The following PDE1C variants were observed in gnomAD, a reference collection of about 807,000 sequenced individuals.
PDE1C encodes dual specificity calcium/calmodulin-dependent 3',5'-cyclic nucleotide phosphodiesterase 1C.
A neutral mutation model predicts 93.1 loss-of-function variants in PDE1C; 62 were observed. The ratio of observed to expected loss-of-function variants is 0.67; its 90% CI spans 0.54 to 0.82. The LOEUF is 0.82. Ranked by LOEUF, PDE1C falls within the 40% of genes least tolerant of loss-of-function variation. The pLI is 0.00. For synonymous variants in PDE1C, 325 were observed against 310.1 expected (o/e 1.05, Z -0.50); for missense variants, 742 against 884.6 (o/e 0.84, Z 2.04).
At chr7:32,372,802 T>G (rs1174966456) in intron 1 of PDE1C, among the ~76,000 whole-genome samples, 2 of 152,158 alleles carry the variant, frequency 1.3e-5, no homozygotes, top group African/African-American at 4.8e-5. Flanking sequence ...GAGCAAGTAA[T>G]CTGAATAGAC....
the PDE1C span, chr7:31,656,147 A>G: frequency 7.4e-5 from 31 of 420,156 alleles, no homozygotes; most frequent in East Asian, 5.0e-3. Flanking sequence ...TTGTTAAAAC[A>G]CTGAAAACCT....
the PDE1C span, among the ~76,000 whole-genome samples, chr7:31,713,899 A>G: frequency 6.6e-6 from 1 of 152,134 alleles, no homozygotes; most frequent in African/African-American, 2.4e-5. Flanking sequence ...GGTCTTTCCC[A>G]CAAAACCATT....
chr7:32,325,567 G>A (rs746307628), intron 1 of PDE1C, among the ~76,000 whole-genome samples: 11 of 152,304 alleles, frequency 7.2e-5, no homozygotes, highest in African/African-American at 2.4e-4. Context: ...AACAAATCAT[G>A]TAAGATCCAA....
At chr7:32,169,536 T>C (rs1265378593) in intron 3 of PDE1C, among the ~76,000 whole-genome samples, 2 of 152,172 alleles carry the variant, frequency 1.3e-5, no homozygotes, top group African/African-American at 2.4e-5. Context: ...ATCCTCTACC[T>C]CAGCATTTAA....
the PDE1C span, among the ~76,000 whole-genome samples, chr7:31,685,809 C>G: frequency 1.2e-4 from 18 of 152,324 alleles, no homozygotes; most frequent in Admixed American, 7.8e-4. Context: ...GCCTTCCCTT[C>G]CTAGACAAGA....
At chr7:32,041,460 A>G (rs1384948509) in intron 2 of PDE1C, among the ~76,000 whole-genome samples, 1 of 152,208 alleles carries the variant, frequency 6.6e-6, no homozygotes, top group East Asian at 1.9e-4. Flanking sequence ...ATTTATGAGA[A>G]TAAACAAAGC....
At chr7:31,924,580 C>T (rs199850486) in intron 2 of PDE1C, among the ~76,000 whole-genome samples, 1 of 95,138 alleles carries the variant, frequency 1.1e-5, no homozygotes. Flanking sequence ...ACAGGCACCT[C>T]GAAAGAGCCT....
the PDE1C span, among the ~76,000 whole-genome samples, chr7:31,647,255 T>G: frequency 6.6e-6 from 1 of 152,162 alleles, no homozygotes; most frequent in African/African-American, 2.4e-5. Flanking sequence ...AAAATTGGCT[T>G]TAAATTAGAT....
At chr7:31,795,779 A>T (rs1435187795) in intron 16 of PDE1C, among the ~76,000 whole-genome samples, 3 of 151,672 alleles carry the variant, frequency 2.0e-5, no homozygotes. Context: ...ATAATATATA[A>T]TATAATCCAC....
chr7:31,828,431 T>G (rs1471333193), intron 11 of PDE1C, 58 bp from the exon 12 acceptor site: 2 of 1,366,894 alleles, frequency 1.5e-6, no homozygotes, highest in Non-Finnish European at 2.1e-6. Context: ...CACCCAGATT[T>G]CATTTAGCAA....
At chr7:31,964,171 G>A (rs371753314) in intron 2 of PDE1C, among the ~76,000 whole-genome samples, 26 of 152,358 alleles carry the variant, frequency 1.7e-4, no homozygotes, top group South Asian at 4.1e-4. Flanking sequence ...CACCTCACCC[G>A]GGAAGTGCAA....
chr7:32,198,147 G>A (rs769884518), intron 2 of PDE1C, among the ~76,000 whole-genome samples: 9 of 152,134 alleles, frequency 5.9e-5, no homozygotes, highest in African/African-American at 1.7e-4. Flanking sequence ...CAGGAAGGAC[G>A]TATATGATAA....
chr7:31,766,852 TAC>T (rs1583985413), intron 17 of PDE1C, among the ~76,000 whole-genome samples: 1 of 152,230 alleles, frequency 6.6e-6, no homozygotes. Flanking sequence ...TATAAAATAC[TAC>T]ACAAATGTTA....
intron 1 of PDE1C, among the ~76,000 whole-genome samples, chr7:32,324,816 G>T (rs575726790): frequency 4.3e-4 from 65 of 152,140 alleles, no homozygotes; most frequent in Non-Finnish European, 8.7e-4. Context: ...GGGTGCAGTG[G>T]TGCATGCCTG....
chr7:31,895,712 A>G (rs1799217564), intron 2 of PDE1C, among the ~76,000 whole-genome samples: 1 of 151,942 alleles, frequency 6.6e-6, no homozygotes, highest in Non-Finnish European at 1.5e-5. Context: ...CGCAAGAGGT[A>G]ATTGACTCAT....
chr7:31,985,782 G>A (rs1393335268), intron 2 of PDE1C, among the ~76,000 whole-genome samples: 1 of 152,122 alleles, frequency 6.6e-6, no homozygotes, highest in Admixed American at 6.5e-5. Context: ...AGTATTCCAT[G>A]GTGTATGTGT....
chr7:32,298,065 C>CTCTCTCTCTCTCTCTCTCTCTCTCTCTCT lies in PDE1C; in HGVS notation c.85+585_85+586insAGAGAGAGAGAGAGAGAGAGAGAGAGAGA, dbSNP rs1562660556. On this transcript the variant is annotated intron_variant, in intron 1 of 18. Transcript: ENST00000396193. ...CTCTCTCTCTCTCTCTCTCTCTCTC[C>CTCTCTCTCTCTCTCTCTCTCTCTCTCTCT]CCTCTCTCTCTGAATTCCCCGGTCT... Among the ~76,000 whole-genome samples, 6 of 21,174 alleles carry CTCTCTCTCTCTCTCTCTCTCTCTCTCTCT rather than the reference C, an allele frequency of 2.8e-4. 2 individuals carry two copies. Among genetic ancestry groups the CTCTCTCTCTCTCTCTCTCTCTCTCTCTCT allele is most frequent in the Non-Finnish European group, 4.9e-4 (6 of 12,148 alleles). 13.9% of individuals were successfully genotyped at this position (21,174 alleles called of 152,430 possible).
intron 2 of PDE1C, among the ~76,000 whole-genome samples, chr7:31,886,866 A>T (rs76041659): frequency 0.2 from 11,218 of 56,974 alleles, 37 homozygotes; most frequent in East Asian, 0.3. Flanking sequence ...GAATAGATCT[A>T]TTCGGATCTA....
intron 3 of PDE1C, among the ~76,000 whole-genome samples, chr7:32,167,005 C>A (rs1042053880): frequency 1.3e-5 from 2 of 152,226 alleles, no homozygotes; most frequent in East Asian, 3.9e-4. Context: ...TGGACAGAAT[C>A]CTTGAGTTTT....
Sources: gnomAD v4.1 joint callset for allele counts (sites outside exome capture counted in the v4.1 genomes callset) on GRCh38, gnomAD v4.1.1 for gene constraint, MANE v1.5 for transcripts, NCBI Gene and HGNC (gene_info 2026-07-23, HGNC 2026-07-21) for gene names.